Variants in MAP3K20 observed in about 807,000 individuals in gnomAD.
MAP3K20 encodes mitogen-activated protein kinase kinase kinase 20.
A neutral mutation model predicts 85.7 loss-of-function variants in MAP3K20; 40 were observed. The observed-to-expected ratio is 0.47, with a 90% CI of 0.36 to 0.61. MAP3K20 has a LOEUF of 0.61. Among genes scored for constraint, MAP3K20 ranks in the 20% least tolerant of loss-of-function variants. The pLI, the probability that MAP3K20 is intolerant of heterozygous loss-of-function variation, is 0.00. For synonymous variants in MAP3K20, 325 were observed against 327.7 expected (o/e 0.99, Z 0.09); for missense variants, 817 against 961.7 (o/e 0.85, Z 1.99).
chr2:173,217,373 C>A, intron 11 of MAP3K20, 123 bp downstream of exon 11: 1 of 1,246,288 alleles, frequency 8.0e-7, no homozygotes, highest in Admixed American at 3.2e-5. Flanking sequence ...GCCTCGCGCC[C>A]GTGTATTAAA....
intron 11 of MAP3K20, chr2:173,225,820 C>T (rs897454491): frequency 2.0e-6 from 2 of 984,628 alleles, no homozygotes; most frequent in Admixed American, 6.2e-5. Flanking sequence ...AAAATGGTTT[C>T]TTTCTCCTTA....
At chr2:173,076,088 C>T in intron 1 of MAP3K20, 86 bp downstream of exon 1, 2 of 928,066 alleles carry the variant, frequency 2.2e-6, no homozygotes, top group Non-Finnish European at 2.6e-6. Flanking sequence ...CGTCTCGGGG[C>T]CGAGGCTCCG....
intron 10 of MAP3K20, chr2:173,212,797 C>CAAAAAAAAAAAAAAAAA (rs61126157): frequency 2.0e-5 from 2 of 101,040 alleles, no homozygotes; most frequent in Non-Finnish European, 4.2e-5. Context: ...AGATCCTATT[C>CAAAAAAAAAAAAAAAAA]AAAAAAAAAA....
At chr2:173,116,654 TCTGCATC>T (rs1377090528) in intron 2 of MAP3K20, among the ~76,000 whole-genome samples, 2 of 152,224 alleles carry the variant, frequency 1.3e-5, no homozygotes, top group African/African-American at 4.8e-5. Flanking sequence ...TTGGTTACCA[TCTGCATC>T]CTGCTTCTAA....
chr2:173,170,027 G>A, intron 3 of MAP3K20, 135 bp downstream of exon 3: 1 of 779,936 alleles, frequency 1.3e-6, no homozygotes. Flanking sequence ...TTGCTATAAA[G>A]CATTAATAAA....
At chr2:173,128,478 G>C (rs71417423) in intron 2 of MAP3K20, among the ~76,000 whole-genome samples, 1 of 151,646 alleles carries the variant, frequency 6.6e-6, no homozygotes, top group Non-Finnish European at 1.5e-5. Flanking sequence ...GACTACAGGC[G>C]CGCACCACCA....
At chr2:173,247,847 C>A (rs1684955170) in intron 16 of MAP3K20, among the ~76,000 whole-genome samples, 1 of 152,114 alleles carries the variant, frequency 6.6e-6, no homozygotes, top group South Asian at 2.1e-4. Flanking sequence ...CAGAAATTAA[C>A]ATGAGGGTGA....
Position 173,190,877 on chromosome 2 carries a change from C to A in MAP3K20, c.416-18C>A. ...AAATTAGATGATTGTCATAATTTAT[C>A]CTTTTTTCTTTTTTTAGTTGTTATA... On this transcript the variant is annotated intron_variant, in intron 5 of 19. Transcript: ENST00000375213. The A allele has an allele frequency of 1.3e-6, 2 of 1,575,380 alleles. No individual in the cohort carries two copies. Among genetic ancestry groups the A allele is most frequent in the South Asian group, 2.3e-5 (2 of 87,318 alleles).
At chr2:173,134,552 G>A (rs1258601775) in intron 2 of MAP3K20, among the ~76,000 whole-genome samples, 1 of 147,436 alleles carries the variant, frequency 6.8e-6, no homozygotes, top group Admixed American at 6.9e-5. Context: ...TTACAGGCGT[G>A]AGCCACTGCC....
At chr2:173,091,469 G>A (rs550677837) in intron 2 of MAP3K20, among the ~76,000 whole-genome samples, 4 of 152,306 alleles carry the variant, frequency 2.6e-5, no homozygotes, top group Admixed American at 1.3e-4. Context: ...GGAGGCAGAG[G>A]TGAGATTTTA....
intron 2 of MAP3K20, among the ~76,000 whole-genome samples, chr2:173,115,622 T>G (rs1688099038): frequency 6.6e-6 from 1 of 152,154 alleles, no homozygotes; most frequent in Non-Finnish European, 1.5e-5. Flanking sequence ...GATGTAGTAC[T>G]CTCCCCCTTT....
intron 2 of MAP3K20, among the ~76,000 whole-genome samples, chr2:173,167,656 A>G (rs191331405): frequency 5.3e-4 from 81 of 152,296 alleles, no homozygotes; most frequent in African/African-American, 1.9e-3. Flanking sequence ...TGACATTAGC[A>G]TTTGCCAGCC....
intron 2 of MAP3K20, among the ~76,000 whole-genome samples, chr2:173,121,152 T>A (rs998083974): frequency 6.6e-6 from 1 of 152,222 alleles, no homozygotes; most frequent in Non-Finnish European, 1.5e-5. Context: ...TTTGATGCCA[T>A]AACTGAATTT....
chr2:173,258,692 A>G lies in MAP3K20; in HGVS notation c.1360-7A>G. 1 of 1,560,528 alleles carries G rather than the reference A, an allele frequency of 6.4e-7. No homozygotes were observed. Among genetic ancestry groups the G allele is most frequent in the African/African-American group, 1.4e-5 (1 of 73,578 alleles). On this transcript the variant is annotated splice_region_variant and splice_polypyrimidine_tract_variant and intron_variant, in intron 16 of 19. Transcript: ENST00000375213. ...CTCAAATTCTGTAATTTTGTTTTTA[A>G]TTCCAGGATTGTAAGTGGAAAATGT...
Position 173,091,179 on chromosome 2 carries a change from A to G in MAP3K20, c.148A>G (p.Ile50Val), listed in dbSNP as rs761961041. 7 of 1,612,628 alleles carry G rather than the reference A, an allele frequency of 4.3e-6. No homozygotes were observed. In the African/African-American group the frequency reaches 6.7e-5, roughly 15 times the overall value. Residue 50 changes from isoleucine to valine, a missense_variant, in exon 2 of 20, where the codon ATA (isoleucine) becomes GTA (valine). By Grantham distance (29) the Ile-to-Val change is conservative. Transcript: ENST00000375213. ...KEVAVKKLLK[I>V]EKEAEILSVL... ...GGTGGCTGTAAAGAAGCTCCTCAAA[A>G]TAGAGAAAGAGGTAAGGTCTTTTCC... is the stretch of plus-strand genomic sequence containing the variant.
intron 11 of MAP3K20, among the ~76,000 whole-genome samples, chr2:173,219,207 G>A (rs1684163162): frequency 6.6e-6 from 1 of 152,180 alleles, no homozygotes; most frequent in East Asian, 1.9e-4. Flanking sequence ...AAAAGGAAGT[G>A]GCTGGAGGTT....
chr2:173,107,969 T>C (rs529289503), intron 2 of MAP3K20, among the ~76,000 whole-genome samples: 5 of 152,214 alleles, frequency 3.3e-5, no homozygotes, highest in East Asian at 1.9e-4. Context: ...TTAAGACTTA[T>C]AGATAACTAG....
intron 16 of MAP3K20, among the ~76,000 whole-genome samples, chr2:173,251,990 G>C (rs748306137): frequency 8.5e-5 from 13 of 152,196 alleles, no homozygotes; most frequent in Non-Finnish European, 1.6e-4. Context: ...AAAATAGAGA[G>C]AGAGAGAGAG....
At chr2:173,123,194 C>T (rs1432132047) in intron 2 of MAP3K20, among the ~76,000 whole-genome samples, 3 of 152,194 alleles carry the variant, frequency 2.0e-5, no homozygotes, top group Non-Finnish European at 4.4e-5. Flanking sequence ...ACCAAGTAAG[C>T]TCTCAGAGAC....
Sources: allele counts gnomAD v4.1 joint callset (sites outside exome capture counted in the v4.1 genomes callset), GRCh38; gene constraint gnomAD v4.1.1; transcripts MANE v1.5; gene names NCBI Gene and HGNC (gene_info 2026-07-23, HGNC 2026-07-21).